The following CMTM4 variants were observed in gnomAD, a reference collection of about 807,000 sequenced individuals.
CMTM4 encodes the protein CKLF-like MARVEL transmembrane domain-containing protein 4.
A neutral mutation model predicts 19.0 loss-of-function variants in CMTM4; 8 were observed. The observed-to-expected ratio is 0.42, with a 90% CI of 0.25 to 0.76. CMTM4 has a LOEUF of 0.76. Among genes scored for constraint, CMTM4 ranks in the 30% least tolerant of loss-of-function variants. The pLI is 0.27. For synonymous variants in CMTM4, 106 were observed against 121.1 expected, an observed-to-expected ratio of 0.88 and a Z score of 0.82; for missense variants, 228 against 290.2, an observed-to-expected ratio of 0.79 and a Z score of 1.56.
chr16:66,686,445 A>G (rs1005916214), intron 1 of CMTM4, among the ~76,000 whole-genome samples: 7 of 148,570 alleles, frequency 4.7e-5, no homozygotes. Flanking sequence ...GCTACTCAGG[A>G]GGCGGAGGCA....
At chr16:66,612,515 C>T (rs1034876039), downstream of CMTM4, 2 of 1,350,866 alleles carry the variant, frequency 1.5e-6, no homozygotes, top group East Asian at 2.3e-5. The surrounding 1 kb of genome is among the most constrained non-coding windows in gnomAD (Gnocchi z 6.0). Context: ...CACCCAGGCT[C>T]CTGCCAGCAA....
At chr16:66,692,631 C>A (rs963025019) in intron 1 of CMTM4, among the ~76,000 whole-genome samples, 2 of 152,188 alleles carry the variant, frequency 1.3e-5, no homozygotes, top group East Asian at 1.9e-4. Context: ...TACAGCCCAA[C>A]GCAGGGGCTC....
In CMTM4 at chr16:66,619,502, G is replaced by C; in HGVS notation, c.*2556C>G. The C allele has an allele frequency of 1.0e-6, 1 of 985,382 alleles. No individual in the cohort carries two copies. 61.0% of individuals were successfully genotyped at this position (985,382 alleles called of 1,614,324 possible). On this transcript the variant is annotated 3_prime_UTR_variant, in exon 4 of 4. Transcript: ENST00000394106. ...AACCAAACTGATATTGGTCCCTATT[G>C]AAACTATTAAACGCAAAAACGCTTC...
At chr16:66,634,071 T>C (rs1016033289) in intron 2 of CMTM4, among the ~76,000 whole-genome samples, 5 of 152,026 alleles carry the variant, frequency 3.3e-5, no homozygotes, top group Non-Finnish European at 7.4e-5. Context: ...GGTGACATGG[T>C]AGTGTGGTAG....
At chr16:66,668,906 T>C (rs1322518206) in intron 1 of CMTM4, among the ~76,000 whole-genome samples, 1 of 152,210 alleles carries the variant, frequency 6.6e-6, no homozygotes. Context: ...CAAAATGGTA[T>C]AGCTACGCTG....
intron 2 of CMTM4, among the ~76,000 whole-genome samples, chr16:66,632,734 A>C (rs355974): frequency 0.049 from 7,423 of 152,148 alleles, 296 homozygotes; most frequent in East Asian, 0.11. Context: ...CCGTGGCACT[A>C]ATCAAAGTAA....
the CMTM4 span, chr16:66,609,458 G>A: frequency 4.8e-5 from 78 of 1,612,980 alleles, no homozygotes; most frequent in South Asian, 6.2e-4. The surrounding 1 kb of genome is among the most constrained non-coding windows in gnomAD (Gnocchi z 4.4). Flanking sequence ...GTGTCACCGC[G>A]GCCCTCATCT....
chr16:66,667,097 G>C (rs987602391), intron 1 of CMTM4, among the ~76,000 whole-genome samples: 2 of 152,236 alleles, frequency 1.3e-5, no homozygotes, highest in Non-Finnish European at 2.9e-5. Context: ...GGCCGAGGCA[G>C]GCGGATCACC....
intron 1 of CMTM4, among the ~76,000 whole-genome samples, chr16:66,649,305 G>C (rs555873211): frequency 6.6e-6 from 1 of 152,140 alleles, no homozygotes; most frequent in South Asian, 2.1e-4. Flanking sequence ...TAGTATTTAG[G>C]CAAGTACCAT....
intron 1 of CMTM4, among the ~76,000 whole-genome samples, chr16:66,662,887 C>G (rs2016523228): frequency 6.6e-6 from 1 of 152,166 alleles, no homozygotes; most frequent in South Asian, 2.1e-4. Context: ...AGCTTATAAA[C>G]TCCTGAGCTC....
chr16:66,649,004 G>T (rs72790469), intron 1 of CMTM4, among the ~76,000 whole-genome samples: 6,504 of 152,136 alleles, frequency 0.043, 260 homozygotes, highest in East Asian at 0.16. Context: ...GAAAAGAAAA[G>T]AAAAGAGAAA....
intron 2 of CMTM4, among the ~76,000 whole-genome samples, chr16:66,625,898 G>A (rs1010666425): frequency 4.6e-5 from 7 of 152,144 alleles, no homozygotes; most frequent in African/African-American, 1.4e-4. Flanking sequence ...GCCACAATTC[G>A]AGTGCTCAGT....
At chr16:66,681,054 A>C (rs769517581) in intron 1 of CMTM4, among the ~76,000 whole-genome samples, 1 of 152,110 alleles carries the variant, frequency 6.6e-6, no homozygotes, top group Non-Finnish European at 1.5e-5. Context: ...TTAAAACGTA[A>C]AAAAGTAGAA....
the CMTM4 span, chr16:66,604,584 G>A: frequency 5.9e-6 from 2 of 340,948 alleles, no homozygotes; most frequent in Non-Finnish European, 1.0e-5. Context: ...CCAGGCCGGG[G>A]AGGGGGCGGG....
intron 1 of CMTM4, among the ~76,000 whole-genome samples, chr16:66,670,722 C>T (rs927035494): frequency 2.6e-5 from 4 of 151,964 alleles, no homozygotes; most frequent in Non-Finnish European, 5.9e-5. Context: ...ATCGCCTGAA[C>T]CCAGGAGGTG....
At chr16:66,652,608 C>G (rs1215795319) in intron 1 of CMTM4, among the ~76,000 whole-genome samples, 1 of 152,200 alleles carries the variant, frequency 6.6e-6, no homozygotes, top group Non-Finnish European at 1.5e-5. Context: ...TAGAAGCATG[C>G]TCTAACGCAT....
At chr16:66,654,562 C>T (rs963355962) in intron 1 of CMTM4, among the ~76,000 whole-genome samples, 1 of 152,166 alleles carries the variant, frequency 6.6e-6, no homozygotes, top group Non-Finnish European at 1.5e-5. Flanking sequence ...GTAATATCAC[C>T]AGGCACCCAC....
rs375038843 is a variant in CMTM4, at chr16:66,617,322, T to C, written c.*4736A>G. 2.3e-5 allele frequency: 37 copies of C among 1,613,826 alleles called. No individual in the cohort carries two copies. Among genetic ancestry groups the C allele is most frequent in the Non-Finnish European group, 3.1e-5 (37 of 1,179,936 alleles). ...TCAAACTCAGCAGGTTTGTGGGTGA[T>C]TTTTTCCTTACTGTTACGTTTGTGG... On this transcript the variant is annotated 3_prime_UTR_variant, in exon 4 of 4. Transcript: ENST00000394106.
chr16:66,654,039 C>T (rs1011786754), intron 1 of CMTM4, among the ~76,000 whole-genome samples: 1 of 152,102 alleles, frequency 6.6e-6, no homozygotes, highest in Non-Finnish European at 1.5e-5. Context: ...CTGCACCCAG[C>T]CAGTTTTTAA....
Sources: allele counts gnomAD v4.1 joint callset (sites outside exome capture counted in the v4.1 genomes callset), GRCh38; gene constraint gnomAD v4.1.1; non-coding constraint Gnocchi (gnomAD v3.1); transcripts MANE v1.5; gene names NCBI Gene and HGNC (gene_info 2026-07-23, HGNC 2026-07-21).